Variants in BBS9 observed in about 807,000 individuals in gnomAD.
BBS9 encodes the protein protein PTHB1.
Under a neutral mutation model 117.7 loss-of-function variants are expected in BBS9, and 89 were observed. That is an observed-to-expected ratio of 0.76 (90% confidence interval 0.64 to 0.90). The LOEUF is 0.90. Among genes scored for constraint, BBS9 ranks in the 40% least tolerant of loss-of-function variants. The pLI is 0.00. For synonymous variants in BBS9, 379 were observed against 370.9 expected (o/e 1.02, Z -0.25); for missense variants, 982 against 1,042.2 (o/e 0.94, Z 0.80).
intron 5 of BBS9, chr7:33,177,839 C>T: frequency 2.4e-6 from 1 of 414,074 alleles, no homozygotes; most frequent in Non-Finnish European, 4.3e-6. Flanking sequence ...ACCAAATACC[C>T]AATCAAAATA....
At chr7:33,363,711 A>G (rs1236413804) in intron 16 of BBS9, among the ~76,000 whole-genome samples, 11 of 150,024 alleles carry the variant, frequency 7.3e-5, no homozygotes, top group African/African-American at 2.5e-4. Flanking sequence ...AACCAGGTTG[A>G]GGAAGTTCCC....
At chr7:33,483,100 T>C (rs1016668100) in intron 19 of BBS9, among the ~76,000 whole-genome samples, 1 of 151,274 alleles carries the variant, frequency 6.6e-6, no homozygotes, top group Admixed American at 6.6e-5. Flanking sequence ...ACCTTTTCTT[T>C]GGGGGGCGGG....
chr7:33,437,529 A>G (rs1584824990), intron 19 of BBS9, among the ~76,000 whole-genome samples: 1 of 152,200 alleles, frequency 6.6e-6, no homozygotes, highest in Non-Finnish European at 1.5e-5. Context: ...GAAGATTACT[A>G]CTACACAAGA....
intron 17 of BBS9, among the ~76,000 whole-genome samples, chr7:33,374,762 A>G (rs906062694): frequency 2.6e-5 from 4 of 152,060 alleles, no homozygotes; most frequent in East Asian, 1.9e-4. Flanking sequence ...TTAGCTGGGC[A>G]TGGTGATACC....
At chr7:33,327,661 T>A (rs903138083) in intron 9 of BBS9, among the ~76,000 whole-genome samples, 9 of 152,144 alleles carry the variant, frequency 5.9e-5, no homozygotes, top group African/African-American at 1.9e-4. Context: ...ACCACTGCAC[T>A]CCAGCCTGAG....
chr7:33,466,354 TG>T (rs2128943732), intron 19 of BBS9, among the ~76,000 whole-genome samples: 1 of 152,084 alleles, frequency 6.6e-6, no homozygotes, highest in Non-Finnish European at 1.5e-5. Context: ...CATTCTACTT[TG>T]GCTTCTTTAG....
intron 16 of BBS9, among the ~76,000 whole-genome samples, chr7:33,362,276 AC>A (rs947826636): frequency 3.3e-5 from 5 of 151,634 alleles, no homozygotes; most frequent in Admixed American, 6.6e-5. Flanking sequence ...ATCTTCATAA[AC>A]CCCCCCGTTT....
chr7:33,396,491 CTT>C (rs923056375), intron 19 of BBS9, among the ~76,000 whole-genome samples: 10 of 151,980 alleles, frequency 6.6e-5, no homozygotes, highest in Non-Finnish European at 1.2e-4. Flanking sequence ...TTTTAGATGA[CTT>C]TACATTTTTA....
chr7:33,136,608 T>C (rs1217146545), intron 1 of BBS9, among the ~76,000 whole-genome samples: 2 of 152,216 alleles, frequency 1.3e-5, no homozygotes, highest in Admixed American at 1.3e-4. Context: ...TGATTTAGAT[T>C]GTATTGATTT....
intron 1 of BBS9, among the ~76,000 whole-genome samples, chr7:33,136,293 A>G (rs992114733): frequency 1.3e-5 from 2 of 152,138 alleles, no homozygotes; most frequent in Non-Finnish European, 2.9e-5. Context: ...AGATTATGTC[A>G]TCTGTGAGTA....
At chr7:33,412,595 G>A (rs1405955496) in intron 19 of BBS9, among the ~76,000 whole-genome samples, 1 of 152,194 alleles carries the variant, frequency 6.6e-6, no homozygotes, top group Non-Finnish European at 1.5e-5. Context: ...TGCTTTGACT[G>A]TGTTTTAACT....
At chr7:33,180,504 A>C (rs1165592544) in intron 5 of BBS9, among the ~76,000 whole-genome samples, 2 of 151,926 alleles carry the variant, frequency 1.3e-5, no homozygotes, top group East Asian at 3.9e-4. Flanking sequence ...TTACAGGCAC[A>C]TGCCACCACG....
intron 5 of BBS9, 60 bp downstream of exon 5, chr7:33,177,651 A>G: frequency 1.7e-6 from 2 of 1,206,108 alleles, no homozygotes; most frequent in Non-Finnish European, 2.5e-6. Context: ...ATATTTGGTC[A>G]TATAAAACAG....
At chr7:33,611,724 A>C (rs1864882652) in intron 21 of BBS9, among the ~76,000 whole-genome samples, 1 of 139,180 alleles carries the variant, frequency 7.2e-6, no homozygotes. Context: ...ATTATATATA[A>C]TATTAAAGGA....
chr7:33,620,755 A>C (rs1455158713), intron 21 of BBS9, among the ~76,000 whole-genome samples: 1 of 152,168 alleles, frequency 6.6e-6, no homozygotes, highest in African/African-American at 2.4e-5. Context: ...ATTTGTATGC[A>C]ACCACAAAAG....
intron 19 of BBS9, among the ~76,000 whole-genome samples, chr7:33,442,011 C>T (rs1432104866): frequency 6.6e-6 from 1 of 152,002 alleles, no homozygotes; most frequent in African/African-American, 2.4e-5. Context: ...TTTGCCTCAG[C>T]CTCCCCAGTA....
At chr7:33,155,542 C>A in intron 3 of BBS9, 96 bp from the exon 4 acceptor site, 1 of 759,958 alleles carries the variant, frequency 1.3e-6, no homozygotes, top group Non-Finnish European at 2.3e-6. Context: ...CTCACAGTGG[C>A]TGTGGTTATG....
At chr7:33,336,671 A>G (rs752544487) in intron 10 of BBS9, 49 bp downstream of exon 10, 16 of 1,257,688 alleles carry the variant, frequency 1.3e-5, no homozygotes, top group African/African-American at 3.0e-5. Flanking sequence ...TATGAAATTC[A>G]TATTATCTTG....
At chr7:33,157,548 A>T (rs539620361) in intron 4 of BBS9, 2 of 152,320 alleles carry the variant, frequency 1.3e-5, no homozygotes, top group South Asian at 4.1e-4. Context: ...ATTGAGAAGC[A>T]TGGGAATGTT....
Sources: allele counts gnomAD v4.1 joint callset (sites outside exome capture counted in the v4.1 genomes callset), GRCh38; gene constraint gnomAD v4.1.1; transcripts MANE v1.5; gene names NCBI Gene and HGNC (gene_info 2026-07-23, HGNC 2026-07-21).